SCFD2: variants seen among roughly 807,000 people sequenced by gnomAD.
The protein encoded by SCFD2 is sec1 family domain-containing protein 2.
Under a neutral mutation model 58.9 loss-of-function variants are expected in SCFD2, and 54 were observed. That is an observed-to-expected ratio of 0.92 (90% CI 0.74 to 1.15). The LOEUF is 1.15. SCFD2 is among the 50% of genes most tolerant of loss of function. The pLI, the probability that SCFD2 is intolerant of heterozygous loss-of-function variation, is 0.00. For missense variants in SCFD2, 805 were observed against 836.6 expected, an observed-to-expected ratio of 0.96 and a Z score of 0.47; for synonymous variants, 321 against 335.9, an observed-to-expected ratio of 0.96 and a Z score of 0.49.
chr4:53,246,016 T>C (rs1303412006), intron 4 of SCFD2, among the ~76,000 whole-genome samples: 2 of 152,066 alleles, frequency 1.3e-5, no homozygotes, highest in Non-Finnish European at 2.9e-5. Flanking sequence ...TCAAAATCAG[T>C]GTACAAAAAT....
chr4:53,283,802 CCGTAA>C (rs1731577958), intron 3 of SCFD2, among the ~76,000 whole-genome samples: 1 of 151,808 alleles, frequency 6.6e-6, no homozygotes, highest in Non-Finnish European at 1.5e-5. Flanking sequence ...ATTTGCTTTA[CCGTAA>C]CGTAACATAA....
At chr4:53,312,985 C>T (rs1732736374) in intron 3 of SCFD2, among the ~76,000 whole-genome samples, 1 of 151,450 alleles carries the variant, frequency 6.6e-6, no homozygotes, top group Non-Finnish European at 1.5e-5. Context: ...AAAATCAACG[C>T]ATTACTTCTG....
At chr4:52,914,575 C>T (rs541946087) in intron 6 of SCFD2, among the ~76,000 whole-genome samples, 2 of 152,220 alleles carry the variant, frequency 1.3e-5, no homozygotes, top group South Asian at 2.1e-4. Flanking sequence ...TTTCCTGTCT[C>T]GGGCACACTT....
At chr4:53,286,242 C>A (rs1165381714) in intron 3 of SCFD2, among the ~76,000 whole-genome samples, 1 of 152,152 alleles carries the variant, frequency 6.6e-6, no homozygotes, top group Non-Finnish European at 1.5e-5. Context: ...GGAATACCTG[C>A]ACTCCTGGCA....
chr4:52,923,954 A>G (rs1266507986), intron 5 of SCFD2, among the ~76,000 whole-genome samples: 1 of 152,202 alleles, frequency 6.6e-6, no homozygotes, highest in African/African-American at 2.4e-5. Context: ...AAACTGAATC[A>G]ATTATATCTA....
chr4:53,062,294 C>A (rs1306416968), intron 5 of SCFD2, among the ~76,000 whole-genome samples: 1 of 151,762 alleles, frequency 6.6e-6, no homozygotes, highest in African/African-American at 2.4e-5. Flanking sequence ...ATCACTTGAA[C>A]CTGGGAGGCT....
chr4:53,182,687 A>C (rs1727609950), intron 4 of SCFD2, among the ~76,000 whole-genome samples: 1 of 152,246 alleles, frequency 6.6e-6, no homozygotes, highest in African/African-American at 2.4e-5. Context: ...TCTGCGCAGC[A>C]AAAGAAACTA....
At chr4:53,353,346 C>T (rs1409170853) in intron 1 of SCFD2, among the ~76,000 whole-genome samples, 1 of 152,098 alleles carries the variant, frequency 6.6e-6, no homozygotes. Flanking sequence ...AGACCTTCAC[C>T]ATGAGTGTTA....
chr4:53,252,789 A>G (rs1207868328), intron 4 of SCFD2, among the ~76,000 whole-genome samples: 1 of 152,202 alleles, frequency 6.6e-6, no homozygotes, highest in Non-Finnish European at 1.5e-5. Flanking sequence ...AAAACCCTAG[A>G]AGAAAACCTA....
rs1457525435 is a variant in SCFD2, at chr4:53,098,951, CCTAT to C, written c.1561+46378_1561+46381del. Among the ~76,000 whole-genome samples, 4 of 152,256 alleles carry C rather than the reference CCTAT, an allele frequency of 2.6e-5. No individual in the cohort carries two copies. In the East Asian group the frequency reaches 7.7e-4, roughly 29 times the overall value. On this transcript the variant is annotated intron_variant, in intron 5 of 8. Coordinates refer to ENST00000401642, the MANE Select transcript of SCFD2 (RefSeq NM_152540.4). ...TATCATTCATCTAGCTTTGTATGTA[CCTAT>C]CTATCAATCATGTTTACTGTTTATT... is the stretch of plus-strand genomic sequence containing the variant.
intron 5 of SCFD2, among the ~76,000 whole-genome samples, chr4:53,082,790 T>C (rs1215120041): frequency 1.3e-5 from 2 of 152,146 alleles, no homozygotes; most frequent in Non-Finnish European, 2.9e-5. Context: ...TCAGTGCTCC[T>C]GATTCTCAGG....
rs148677784 is a variant in SCFD2 at position 53,111,667 on chromosome 4, C to G, written c.1561+33666G>C. 1.1e-4 allele frequency among the ~76,000 whole-genome samples: 16 copies of G among 152,234 alleles called. No individual in the cohort carries two copies. In the East Asian group the frequency reaches 3.1e-3, roughly 29 times the overall value. On this transcript the variant is annotated intron_variant, in intron 5 of 8. Coordinates refer to ENST00000401642, the MANE Select transcript of SCFD2 (RefSeq NM_152540.4). Reference sequence around the variant, plus strand: ...TTGCATTTCTTCTTCCCAAAGCCCACAGCAACATTGCTAATTTTACCATTT... The same window carrying G: ...TTGCATTTCTTCTTCCCAAAGCCCAGAGCAACATTGCTAATTTTACCATTT...
At chr4:52,942,094 C>T (rs530253367) in intron 5 of SCFD2, among the ~76,000 whole-genome samples, 39 of 152,078 alleles carry the variant, frequency 2.6e-4, no homozygotes, top group Middle Eastern at 3.4e-3. Flanking sequence ...AAATGGTATA[C>T]GAGAGGAAAG....
At chr4:53,363,295 G>A (rs1734599063) in intron 1 of SCFD2, among the ~76,000 whole-genome samples, 1 of 151,686 alleles carries the variant, frequency 6.6e-6, no homozygotes, top group South Asian at 2.1e-4. Flanking sequence ...CACCTGGCTA[G>A]TTTTTTCATT....
chr4:53,252,981 C>A (rs1730455186), intron 4 of SCFD2, among the ~76,000 whole-genome samples: 1 of 152,086 alleles, frequency 6.6e-6, no homozygotes, highest in Non-Finnish European at 1.5e-5. Context: ...ATTTTTGCAA[C>A]CTACTCATCT....
intron 5 of SCFD2, among the ~76,000 whole-genome samples, chr4:53,020,690 C>A (rs764573189): frequency 7.9e-5 from 12 of 152,252 alleles, no homozygotes; most frequent in Admixed American, 3.3e-4. Context: ...GCCTCCCCTG[C>A]AAATAGGAAG....
At position 53,073,004 on chromosome 4, in the gene SCFD2, T is replaced by A. The variant is rs145302225; in HGVS notation, c.1561+72329A>T. Among the ~76,000 whole-genome samples, 402 of 152,236 alleles carry A rather than the reference T, an allele frequency of 2.6e-3. 4 individuals carry two copies. Among genetic ancestry groups the A allele is most frequent in the African/African-American group, 9.0e-3 (374 of 41,562 alleles). Reference sequence around the variant, plus strand: ...CTTCTTCTAATTAAACCACCATTGATGGGTTCTGCAACTATGGATTCAAAC... The same window carrying A: ...CTTCTTCTAATTAAACCACCATTGAAGGGTTCTGCAACTATGGATTCAAAC... On this transcript the variant is annotated intron_variant, in intron 5 of 8. Transcript: ENST00000401642.
intron 5 of SCFD2, chr4:52,948,723 G>A (rs1344404084): frequency 1.2e-5 from 4 of 321,252 alleles, no homozygotes; most frequent in East Asian, 8.3e-5. Context: ...AGAAGAACAC[G>A]CTGGATCCTC....
intron 5 of SCFD2, among the ~76,000 whole-genome samples, chr4:53,023,997 T>A (rs1027793796): frequency 2.0e-5 from 3 of 152,182 alleles, no homozygotes; most frequent in Non-Finnish European, 2.9e-5. Context: ...AGAGACACTG[T>A]AATTCAAATG....
Sources: gnomAD v4.1 joint callset for allele counts (sites outside exome capture counted in the v4.1 genomes callset) on GRCh38, gnomAD v4.1.1 for gene constraint, MANE v1.5 for transcripts, NCBI Gene and HGNC (gene_info 2026-07-23, HGNC 2026-07-21) for gene names.